NECAB1: variants seen among roughly 807,000 people sequenced by gnomAD.
NECAB1 encodes N-terminal EF-hand calcium-binding protein 1.
In NECAB1, 29 loss-of-function variants were observed where a neutral mutation model predicts 57.5. The observed-to-expected ratio is 0.50, with a 90% confidence interval of 0.38 to 0.69. NECAB1 has a LOEUF of 0.69. Among genes scored for constraint, NECAB1 ranks in the 30% least tolerant of loss-of-function variants. NECAB1 has a pLI of 0.00. For synonymous variants in NECAB1, 142 were observed against 147.7 expected (o/e 0.96, Z 0.28); for missense variants, 372 against 413.8 (o/e 0.90, Z 0.88).
Position 90,893,733 on chromosome 8 carries a change from G to T in NECAB1, c.357+12603G>T, listed in dbSNP as rs533667336. Among the ~76,000 whole-genome samples, 9 of 152,280 alleles carry T rather than the reference G, an allele frequency of 5.9e-5. No homozygotes were observed. In the South Asian group the frequency reaches 8.3e-4, roughly 14 times the overall value. ...TCCAGCAGTGCAGGAGGCAATCAGG[G>T]CCCCCTGCAATGGGCCAGATGGAAT... On this transcript the variant is annotated intron_variant, in intron 5 of 12. Coordinates refer to ENST00000417640, the MANE Select transcript of NECAB1 (RefSeq NM_022351.5).
chr8:90,864,835 G>A (rs761034949), intron 3 of NECAB1, among the ~76,000 whole-genome samples: 2 of 152,038 alleles, frequency 1.3e-5, no homozygotes, highest in Non-Finnish European at 2.9e-5. Flanking sequence ...AGAGGTAAGG[G>A]GGAGCCTAAG....
chr8:90,892,487 A>T (rs145544823), intron 5 of NECAB1, among the ~76,000 whole-genome samples: 1 of 152,360 alleles, frequency 6.6e-6, no homozygotes, highest in Non-Finnish European at 1.5e-5. Context: ...AATATTTTAA[A>T]TGAAAAAGAA....
chr8:90,911,764 A>T (rs1809836015), intron 5 of NECAB1, among the ~76,000 whole-genome samples: 1 of 152,156 alleles, frequency 6.6e-6, no homozygotes, highest in Non-Finnish European at 1.5e-5. Flanking sequence ...ATCACAGCAA[A>T]CAAACCCAGG....
chr8:90,814,747 C>A (rs933705337), intron 2 of NECAB1, among the ~76,000 whole-genome samples: 1 of 152,002 alleles, frequency 6.6e-6, no homozygotes, highest in East Asian at 1.9e-4. Context: ...ATGCTTCAGG[C>A]TCATCTTTTA....
At chr8:90,833,349 T>C (rs1812321176) in intron 3 of NECAB1, among the ~76,000 whole-genome samples, 1 of 151,676 alleles carries the variant, frequency 6.6e-6, no homozygotes, top group East Asian at 1.9e-4. Flanking sequence ...TTATATTTTC[T>C]TATCTAGAGA....
chr8:90,836,984 A>G (rs546897777), intron 3 of NECAB1, among the ~76,000 whole-genome samples: 3 of 152,354 alleles, frequency 2.0e-5, no homozygotes, highest in East Asian at 1.9e-4. Flanking sequence ...TAACATTTCT[A>G]TCTCTATGCT....
At chr8:90,825,156 A>C (rs912913995) in intron 3 of NECAB1, 1 of 158,258 alleles carries the variant, frequency 6.3e-6, no homozygotes, top group East Asian at 1.8e-4. Flanking sequence ...TTTAGGCTTA[A>C]TCTCAATTTG....
At chr8:90,883,519 A>G (rs539161771) in intron 5 of NECAB1, among the ~76,000 whole-genome samples, 2 of 152,144 alleles carry the variant, frequency 1.3e-5, no homozygotes, top group Non-Finnish European at 2.9e-5. Flanking sequence ...GCCTTTTGTG[A>G]TCTATCTTGA....
intron 3 of NECAB1, among the ~76,000 whole-genome samples, chr8:90,834,109 G>C (rs183429615): frequency 7.2e-6 from 1 of 139,540 alleles, no homozygotes; most frequent in East Asian, 2.3e-4. Flanking sequence ...GTTGCAGTGA[G>C]CTGAGACTGT....
chr8:90,829,051 A>G (rs956261129), intron 3 of NECAB1, among the ~76,000 whole-genome samples: 7 of 152,006 alleles, frequency 4.6e-5, no homozygotes, highest in Admixed American at 6.6e-5. Flanking sequence ...AAAAATTGTT[A>G]ATCTCTCAAT....
In NECAB1 at chr8:90,959,298, G is replaced by A; in HGVS notation, c.*3786G>A. ...ACCTAGGTTTAAAATATGTATTAAT[G>A]TGTAAATCACAAGTAAAATGAATTC... On this transcript the variant is annotated 3_prime_UTR_variant, in exon 13 of 13. Coordinates refer to ENST00000417640, the MANE Select transcript of NECAB1 (RefSeq NM_022351.5). The A allele has an allele frequency of 4.9e-6, 1 of 205,366 alleles. No homozygotes were observed. Among genetic ancestry groups the A allele is most frequent in the Non-Finnish European group, 9.7e-6 (1 of 103,622 alleles). The allele number at this position is 205,366 out of a possible 1,614,324, so 12.7% of individuals were successfully genotyped here.
chr8:90,846,341 G>A (rs1463359208), intron 3 of NECAB1, among the ~76,000 whole-genome samples: 2 of 152,188 alleles, frequency 1.3e-5, no homozygotes, highest in African/African-American at 4.8e-5. Context: ...CACTGTGAAT[G>A]TGCTTAAAGC....
At chr8:90,940,621 A>G in intron 9 of NECAB1, 165 bp from the exon 10 acceptor site, 1 of 561,588 alleles carries the variant, frequency 1.8e-6, no homozygotes, top group Non-Finnish European at 3.2e-6. Flanking sequence ...CCTAGATTAC[A>G]GCCTTTATAC....
intron 3 of NECAB1, among the ~76,000 whole-genome samples, chr8:90,871,895 G>T (rs964607873): frequency 6.6e-6 from 1 of 152,058 alleles, no homozygotes; most frequent in Non-Finnish European, 1.5e-5. Context: ...TCCCCATCAT[G>T]TTGCAGAGGA....
chr8:90,798,458 C>A (rs1811700934), intron 1 of NECAB1, among the ~76,000 whole-genome samples: 1 of 152,150 alleles, frequency 6.6e-6, no homozygotes, highest in Non-Finnish European at 1.5e-5. Context: ...CCTCCCTCTT[C>A]CCTCTATTAG....
chr8:90,804,454 A>G (rs1052931915), intron 2 of NECAB1, among the ~76,000 whole-genome samples: 1 of 152,094 alleles, frequency 6.6e-6, no homozygotes, highest in Non-Finnish European at 1.5e-5. Context: ...TGCACAGCAT[A>G]GTGAATATAG....
At chr8:90,943,605 G>GT (rs1160905452) in intron 10 of NECAB1, among the ~76,000 whole-genome samples, 1 of 152,188 alleles carries the variant, frequency 6.6e-6, no homozygotes, top group African/African-American at 2.4e-5. Context: ...CAATTGCCTA[G>GT]TGCTTGGCTG....
chr8:90,921,629 G>A lies in NECAB1; in HGVS notation c.495-3906G>A, dbSNP rs373112818. 1.8e-4 allele frequency among the ~76,000 whole-genome samples: 28 copies of A among 151,586 alleles called. No individual in the cohort carries two copies. The East Asian group carries it at 2.0e-3, about 11-fold the overall frequency. Reference sequence around the variant, plus strand: ...GCGGAGGTTGCAGTAAGCAGAGATCGCGCCACTACACTCCATCCTGGGCAA... The same window carrying A: ...GCGGAGGTTGCAGTAAGCAGAGATCACGCCACTACACTCCATCCTGGGCAA... On this transcript the variant is annotated intron_variant, in intron 6 of 12. Coordinates refer to ENST00000417640, the MANE Select transcript of NECAB1 (RefSeq NM_022351.5).
chr8:90,850,246 A>G (rs1044470293), intron 3 of NECAB1, among the ~76,000 whole-genome samples: 10 of 152,228 alleles, frequency 6.6e-5, no homozygotes. Context: ...ATTTTCATAA[A>G]TGAAATGATT....
Sources: allele counts gnomAD v4.1 joint callset (sites outside exome capture counted in the v4.1 genomes callset), GRCh38; gene constraint gnomAD v4.1.1; transcripts MANE v1.5; gene names NCBI Gene and HGNC (gene_info 2026-07-23, HGNC 2026-07-21).